SDK1: variants seen among roughly 807,000 people sequenced by gnomAD.
SDK1 encodes the protein sidekick cell adhesion molecule 1, also known as protein sidekick-1.
A neutral mutation model predicts 245.5 loss-of-function variants in SDK1; 157 were observed. The ratio of observed to expected loss-of-function variants is 0.64; its 90% CI spans 0.56 to 0.73. The LOEUF is 0.73. Ranked by LOEUF, SDK1 falls within the 30% of genes least tolerant of loss-of-function variation. SDK1 has a pLI of 0.00. For synonymous variants in SDK1, 1,647 were observed against 1,278.5 expected, an observed-to-expected ratio of 1.29 and a Z score of -6.15; for missense variants, 3,583 against 3,002.3, an observed-to-expected ratio of 1.19 and a Z score of -4.52.
chr7:4,074,906 ATATATATATATTT>A (rs1326481761), intron 20 of SDK1, among the ~76,000 whole-genome samples: 3 of 69,690 alleles, frequency 4.3e-5, no homozygotes, highest in African/African-American at 2.2e-4. Context: ...ATATATATAT[ATATATATATATTT>A]TTTTTTTTTT....
At chr7:3,621,717 C>G (rs901952049) in intron 2 of SDK1, among the ~76,000 whole-genome samples, 1 of 152,216 alleles carries the variant, frequency 6.6e-6, no homozygotes, top group Non-Finnish European at 1.5e-5. Context: ...TGTACCTTAT[C>G]TGAGTCTTCC....
intron 35 of SDK1, among the ~76,000 whole-genome samples, chr7:4,198,435 C>G (rs1783705138): frequency 6.6e-6 from 1 of 152,250 alleles, no homozygotes; most frequent in African/African-American, 2.4e-5. Context: ...GTCAAGGCCT[C>G]TGCTCTCATT....
intron 35 of SDK1, among the ~76,000 whole-genome samples, chr7:4,186,646 G>T (rs2128221427): frequency 6.6e-6 from 1 of 152,270 alleles, no homozygotes; most frequent in East Asian, 1.9e-4. Context: ...GGTGAATCAG[G>T]AGGAAGGGCT....
chr7:4,139,837 C>T (rs893161073), intron 28 of SDK1, among the ~76,000 whole-genome samples: 3 of 152,034 alleles, frequency 2.0e-5, no homozygotes, highest in South Asian at 4.2e-4. Context: ...CAGAGGGCCT[C>T]GCCCTGCGCT....
At chr7:3,559,685 T>G (rs1562562970) in intron 1 of SDK1, among the ~76,000 whole-genome samples, 1 of 151,792 alleles carries the variant, frequency 6.6e-6, no homozygotes, top group Non-Finnish European at 1.5e-5. Flanking sequence ...TTCTAAATAG[T>G]TTTTAAATCA....
At chr7:3,435,171 T>G (rs76738251) in intron 1 of SDK1, among the ~76,000 whole-genome samples, 1 of 60,608 alleles carries the variant, frequency 1.6e-5, no homozygotes, top group East Asian at 3.0e-4. Flanking sequence ...TGTATTTTTT[T>G]TTTTGAAATC....
At chr7:4,244,581 A>G (rs1786723606) in intron 43 of SDK1, among the ~76,000 whole-genome samples, 1 of 152,236 alleles carries the variant, frequency 6.6e-6, no homozygotes, top group African/African-American at 2.4e-5. Flanking sequence ...CTATCGCTGC[A>G]TGGCAAATGA....
intron 1 of SDK1, among the ~76,000 whole-genome samples, chr7:3,357,450 A>G (rs1780834983): frequency 7.1e-6 from 1 of 140,590 alleles, no homozygotes; most frequent in African/African-American, 2.7e-5. Context: ...CCCTGGGCTC[A>G]GGTGATCTTC....
At chr7:3,540,209 C>G (rs1035825882) in intron 1 of SDK1, among the ~76,000 whole-genome samples, 1 of 152,148 alleles carries the variant, frequency 6.6e-6, no homozygotes, top group South Asian at 2.1e-4. Flanking sequence ...GAGTTCAAGA[C>G]CAGCCTGGCC....
At position 4,078,888 on chromosome 7, in the gene SDK1, C is replaced by T. The variant is rs181074538; in HGVS notation, c.3203-575C>T. On this transcript the variant is annotated intron_variant, in intron 21 of 44. Transcript: ENST00000404826. ...GAGAAAGGAGAGTTCTGCACTTGCA[C>T]GAGAATTTGTTCGTCTTGGAAACGA... is the stretch of plus-strand genomic sequence containing the variant. Among the ~76,000 whole-genome samples the T allele has an allele frequency of 1.9e-3, 291 of 152,200 alleles. 2 individuals are homozygous for T. The highest frequency in any genetic ancestry group is 3.5e-3 in the South Asian group (17 of 4,814).
At chr7:3,786,411 C>T (rs919696126) in intron 4 of SDK1, among the ~76,000 whole-genome samples, 1 of 152,180 alleles carries the variant, frequency 6.6e-6, no homozygotes, top group African/African-American at 2.4e-5. Flanking sequence ...TCCTCTTTCT[C>T]ACTTAAAAAA....
intron 1 of SDK1, among the ~76,000 whole-genome samples, chr7:3,428,835 C>T (rs1454895231): frequency 6.6e-6 from 1 of 152,016 alleles, no homozygotes; most frequent in Non-Finnish European, 1.5e-5. Flanking sequence ...AATAAAAAAT[C>T]CCTGGAAAGG....
intron 4 of SDK1, among the ~76,000 whole-genome samples, chr7:3,661,540 C>G (rs986708609): frequency 6.6e-6 from 1 of 152,080 alleles, no homozygotes; most frequent in Non-Finnish European, 1.5e-5. Flanking sequence ...TTTCTTTGAT[C>G]TAGTGATGAA....
chr7:4,090,261 T>A (rs559428899), intron 22 of SDK1, among the ~76,000 whole-genome samples: 25 of 152,352 alleles, frequency 1.6e-4, no homozygotes, highest in African/African-American at 5.3e-4. Flanking sequence ...AAAAACCTCA[T>A]TTCTCTTTCC....
chr7:4,113,876 CAA>C (rs1783515972), intron 24 of SDK1, among the ~76,000 whole-genome samples, 159 bp from the exon 25 acceptor site: 1 of 152,222 alleles, frequency 6.6e-6, no homozygotes, highest in Non-Finnish European at 1.5e-5. Flanking sequence ...ATTCACAGAA[CAA>C]AAGTTTCAGG....
intron 5 of SDK1, among the ~76,000 whole-genome samples, chr7:3,865,890 G>A (rs936535510): frequency 6.6e-6 from 1 of 151,936 alleles, no homozygotes; most frequent in African/African-American, 2.4e-5. Context: ...GTTATTTTGG[G>A]CTCCACAGGG....
chr7:3,931,711 T>G (rs1323096002), intron 5 of SDK1, among the ~76,000 whole-genome samples: 1 of 152,170 alleles, frequency 6.6e-6, no homozygotes. Context: ...GTTACCAAAG[T>G]GCCTAGTTTT....
chr7:3,704,862 G>C (rs1784839226), intron 4 of SDK1, among the ~76,000 whole-genome samples: 1 of 152,140 alleles, frequency 6.6e-6, no homozygotes, highest in Non-Finnish European at 1.5e-5. Flanking sequence ...GTTGATTTTT[G>C]AATAAGGTAA....
At chr7:4,170,852 T>C (rs1781797410) in intron 32 of SDK1, among the ~76,000 whole-genome samples, 1 of 151,876 alleles carries the variant, frequency 6.6e-6, no homozygotes, top group Non-Finnish European at 1.5e-5. Context: ...AAAGAGCAAA[T>C]GAGCAGCCCA....
Sources: allele counts gnomAD v4.1 joint callset (sites outside exome capture counted in the v4.1 genomes callset), GRCh38; gene constraint gnomAD v4.1.1; transcripts MANE v1.5; gene names NCBI Gene and HGNC (gene_info 2026-07-23, HGNC 2026-07-21).